The following WWOX variants were observed in gnomAD, a reference collection of about 807,000 sequenced individuals.
WWOX encodes WW domain containing oxidoreductase, also known as WW domain-containing oxidoreductase.
Under a neutral mutation model 46.2 loss-of-function variants are expected in WWOX, and 69 were observed. The observed-to-expected ratio is 1.49, with a 90% CI of 1.23 to 1.82. WWOX has a LOEUF of 1.82. WWOX is among the 40% of genes most tolerant of loss of function. The pLI, the probability that WWOX is intolerant of heterozygous loss-of-function variation, is 0.00. For synonymous variants in WWOX, 359 were observed against 202.6 expected, an observed-to-expected ratio of 1.77 and a Z score of -6.56; for missense variants, 919 against 542.6, an observed-to-expected ratio of 1.69 and a Z score of -6.89.
Position 78,268,642 on chromosome 16 carries a change from C to T in WWOX, c.516+104353C>T, listed in dbSNP as rs187942882. Among the ~76,000 whole-genome samples, 16 of 152,262 alleles carry T rather than the reference C, an allele frequency of 1.1e-4. No individual in the cohort carries two copies. In the East Asian group the frequency reaches 1.9e-3, roughly 18 times the overall value. On this transcript the variant is annotated intron_variant, in intron 5 of 8. Transcript: ENST00000566780. ...CTAGGTCTGGTTTCTTGGTTAAATA[C>T]GTGGAAGAGTGGATGGACAGAAAGA...
At chr16:78,617,133 C>G (rs1348295741) in intron 8 of WWOX, among the ~76,000 whole-genome samples, 1 of 152,096 alleles carries the variant, frequency 6.6e-6, no homozygotes, top group Non-Finnish European at 1.5e-5. Flanking sequence ...GGTGATAGGC[C>G]TGTTGTGGTG....
chr16:78,532,319 A>G (rs2151514383), intron 8 of WWOX, among the ~76,000 whole-genome samples: 1 of 152,288 alleles, frequency 6.6e-6, no homozygotes, highest in South Asian at 2.1e-4. Flanking sequence ...ACTTCGGTTC[A>G]AGTCCTCTCT....
chr16:79,132,127 AACACACACACACAC>A lies in WWOX; in HGVS notation c.1057-79454_1057-79441del, dbSNP rs141785224. Among the ~76,000 whole-genome samples, 632 of 141,508 alleles carry A rather than the reference AACACACACACACAC, an allele frequency of 4.5e-3. 3 individuals carry two copies. Among genetic ancestry groups the A allele is most frequent in the African/African-American group, 0.013 (493 of 37,876 alleles). The allele number at this position is 141,508 out of a possible 152,430, so 92.8% of individuals were successfully genotyped here. ...CACTCTCCCACCCAACACTTGCAGA[AACACACACACACAC>A]ACACACACACACACACACACACACA... On this transcript the variant is annotated intron_variant, in intron 8 of 8. Transcript: ENST00000566780.
chr16:78,554,248 G>A (rs1286583722), intron 8 of WWOX, among the ~76,000 whole-genome samples: 1 of 152,100 alleles, frequency 6.6e-6, no homozygotes, highest in East Asian at 1.9e-4. Context: ...GGGAAGAGAA[G>A]AACTGTCAAG....
chr16:78,868,643 C>A (rs1361058825), intron 8 of WWOX, among the ~76,000 whole-genome samples: 1 of 152,114 alleles, frequency 6.6e-6, no homozygotes, highest in African/African-American at 2.4e-5. Flanking sequence ...TAGACAAATT[C>A]TGTTACTATC....
intron 8 of WWOX, among the ~76,000 whole-genome samples, chr16:79,161,774 C>T (rs191343516): frequency 6.6e-6 from 1 of 152,354 alleles, no homozygotes; most frequent in East Asian, 1.9e-4. Flanking sequence ...CCGCCTTGGC[C>T]TGCCAAAGTG....
intron 8 of WWOX, among the ~76,000 whole-genome samples, chr16:78,652,955 A>G (rs899732619): frequency 3.9e-5 from 6 of 152,200 alleles, no homozygotes; most frequent in Non-Finnish European, 7.3e-5. Context: ...GATTATGGTA[A>G]TAAATAATAT....
chr16:78,457,870 C>G (rs7188977), intron 8 of WWOX, among the ~76,000 whole-genome samples: 1 of 144,498 alleles, frequency 6.9e-6, no homozygotes, highest in Non-Finnish European at 1.5e-5. Context: ...GAGCCAAGAT[C>G]GCCCTACTGC....
intron 8 of WWOX, among the ~76,000 whole-genome samples, chr16:78,711,624 C>T (rs1228803435): frequency 6.6e-6 from 1 of 152,104 alleles, no homozygotes; most frequent in Non-Finnish European, 1.5e-5. Context: ...AGTGCCATTC[C>T]TATATAACAT....
rs188188753 is a variant in WWOX at position 79,011,389 on chromosome 16, C to A, written c.1057-200219C>A. ...CCCCTTTGGAACTTCTGTTGGTGTT[C>A]GATCTGGAATCTGAGAATTCCCTTG... On this transcript the variant is annotated intron_variant, in intron 8 of 8. Transcript: ENST00000566780. Among the ~76,000 whole-genome samples, 3 of 151,776 alleles carry A rather than the reference C, an allele frequency of 2.0e-5. No homozygotes were observed. In the East Asian group the frequency reaches 5.8e-4, roughly 29 times the overall value.
intron 5 of WWOX, among the ~76,000 whole-genome samples, chr16:78,360,306 C>G (rs982891292): frequency 1.3e-5 from 2 of 152,158 alleles, no homozygotes; most frequent in Admixed American, 1.3e-4. Flanking sequence ...GAGAAGTAGG[C>G]TGGGCACAGT....
At chr16:78,540,014 T>TCACA (rs1489472379) in intron 8 of WWOX, among the ~76,000 whole-genome samples, 5 of 127,484 alleles carry the variant, frequency 3.9e-5, no homozygotes, top group African/African-American at 1.1e-4. Flanking sequence ...TCTCTCTCTC[T>TCACA]CTCTCTCACA....
intron 8 of WWOX, among the ~76,000 whole-genome samples, chr16:78,652,784 G>C (rs540294740): frequency 1.3e-4 from 20 of 152,162 alleles, no homozygotes; most frequent in Non-Finnish European, 2.8e-4. Flanking sequence ...TTTAATACGT[G>C]TATATATTAG....
chr16:78,512,645 T>G (rs2085389392), intron 8 of WWOX, among the ~76,000 whole-genome samples: 1 of 152,222 alleles, frequency 6.6e-6, no homozygotes, highest in African/African-American at 2.4e-5. Flanking sequence ...TGAGAAAGAT[T>G]TCTGGGTGGG....
chr16:78,889,520 A>C (rs2044542179), intron 8 of WWOX, among the ~76,000 whole-genome samples: 1 of 152,100 alleles, frequency 6.6e-6, no homozygotes, highest in Admixed American at 6.6e-5. Context: ...AATGTATTTT[A>C]GTGCTATACG....
At chr16:78,657,717 T>A (rs1297016448) in intron 8 of WWOX, among the ~76,000 whole-genome samples, 1 of 152,182 alleles carries the variant, frequency 6.6e-6, no homozygotes, top group East Asian at 1.9e-4. Context: ...TTTTCTAGCT[T>A]GGAAGGTGGC....
At chr16:78,190,040 G>T (rs1160814922) in intron 5 of WWOX, among the ~76,000 whole-genome samples, 1 of 152,118 alleles carries the variant, frequency 6.6e-6, no homozygotes, top group Non-Finnish European at 1.5e-5. Context: ...CAGCACATGT[G>T]TCCACACTTG....
chr16:78,192,158 A>G (rs372488330), intron 5 of WWOX, among the ~76,000 whole-genome samples: 1 of 152,200 alleles, frequency 6.6e-6, no homozygotes. Context: ...ACAAATCTGC[A>G]TAAGTACCCC....
In WWOX at chr16:78,432,713, A is replaced by G. The variant is rs1468058113; in HGVS notation, c.1017A>G (p.Thr339=). The change falls in exon 8 of 9, where the codon ACA becomes ACG. Residue 339 remains threonine (T), a synonymous_variant. Transcript: ENST00000566780. ...SNIHRSWWVY[T]LLFTLARPFT... ...TTCATCGCAGCTGGTGGGTGTACAC[A>G]CTGCTGTTTACCTTGGCGAGGCCTT... 1.9e-6 allele frequency: 3 copies of G among 1,614,144 alleles called. No homozygotes were observed. The highest frequency in any genetic ancestry group is 1.1e-5 in the South Asian group (1 of 91,080).
Sources: gnomAD v4.1 joint callset for allele counts (sites outside exome capture counted in the v4.1 genomes callset) on GRCh38, gnomAD v4.1.1 for gene constraint, MANE v1.5 for transcripts, NCBI Gene and HGNC (gene_info 2026-07-23, HGNC 2026-07-21) for gene names.